The following PAX6 variants were observed in gnomAD, a reference collection of about 807,000 sequenced individuals.
PAX6 encodes the protein paired box 6, also known as paired box protein Pax-6.
Under a neutral mutation model 60.7 loss-of-function variants are expected in PAX6, and 7 were observed. The observed-to-expected ratio is 0.12, with a 90% CI of 0.07 to 0.22. The LOEUF is 0.22. Ranked by LOEUF, PAX6 falls within the 10% of genes least tolerant of loss-of-function variation. PAX6 has a pLI of 1.00. For missense variants in PAX6, 355 were observed against 555.2 expected, an observed-to-expected ratio of 0.64 and a Z score of 3.62; for synonymous variants, 208 against 201.2, an observed-to-expected ratio of 1.03 and a Z score of -0.29.
chr11:31,810,529 A>C, intron 2 of PAX6: 1 of 223,322 alleles, frequency 4.5e-6, no homozygotes, highest in Non-Finnish European at 8.7e-6. Context: ...TCGCGCCTGG[A>C]GTCTCCCTTC....
Position 31,800,860 on chromosome 11 carries a change from C to T in PAX6, c.400-4G>A, listed in dbSNP as rs764330055. ...GAACTCTGTTTATTGATGACACCTGCAAATCAAACCAAAATCAAACCAAAT... is the reference window on the plus strand; with the variant it reads ...GAACTCTGTTTATTGATGACACCTGTAAATCAAACCAAAATCAAACCAAAT... On this transcript the variant is annotated splice_region_variant and splice_polypyrimidine_tract_variant and intron_variant, in intron 7 of 13. Transcript: ENST00000640368. 4 of 1,613,900 alleles carry T rather than the reference C, an allele frequency of 2.5e-6. No individual in the cohort carries two copies. The East Asian group carries it at 8.9e-5, about 36-fold the overall frequency.
intron 5 of PAX6, 40 bp from the exon 6 acceptor site, chr11:31,801,952 A>G: frequency 6.5e-7 from 1 of 1,531,792 alleles, no homozygotes. Context: ...ATGAGAACTT[A>G]CTGTAGAGAG....
At chr11:31,794,410 C>T (rs1027687846) in intron 9 of PAX6, 6 of 575,898 alleles carry the variant, frequency 1.0e-5, no homozygotes, top group East Asian at 3.0e-5. Context: ...AAGAAACACA[C>T]ACACACACAC....
upstream of PAX6, among the ~76,000 whole-genome samples, chr11:31,813,635 T>C (rs1957238659): frequency 6.7e-6 from 1 of 149,448 alleles, no homozygotes; most frequent in African/African-American, 2.5e-5. Flanking sequence ...GAGCGAGGAG[T>C]GAATGCCACT....
At chr11:31,814,045 G>C (rs1317912090), upstream of PAX6, 2 of 152,028 alleles carry the variant, frequency 1.3e-5, no homozygotes, top group Admixed American at 1.3e-4. Context: ...AGGCCCACTT[G>C]CTGCCCTCCA....
At chr11:31,806,258 G>A (rs915354417) in intron 4 of PAX6, 144 bp downstream of exon 4, 3 of 845,160 alleles carry the variant, frequency 3.5e-6, no homozygotes, top group Middle Eastern at 3.6e-4. Flanking sequence ...CGGGCGCGGA[G>A]CGGGGAGCAG....
intron 8 of PAX6, among the ~76,000 whole-genome samples, chr11:31,800,139 G>A (rs1249695119): frequency 6.6e-6 from 1 of 151,990 alleles, no homozygotes; most frequent in African/African-American, 2.4e-5. Context: ...GACCCAGAGG[G>A]GCGAACGGGG....
chr11:31,793,239 T>A, intron 12 of PAX6, 199 bp downstream of exon 12: 1 of 695,828 alleles, frequency 1.4e-6, no homozygotes, highest in Non-Finnish European at 2.6e-6. Flanking sequence ...TTATTACTCA[T>A]TTTTTTAGGG....
At chr11:31,811,359 A>G, upstream of PAX6, 1 of 398,276 alleles carries the variant, frequency 2.5e-6, no homozygotes, top group East Asian at 3.6e-5. Context: ...ATATTGCTTT[A>G]TGCAAAGCAG....
chr11:31,806,369 G>A (rs769489624), intron 4 of PAX6, 33 bp downstream of exon 4: 1 of 1,601,700 alleles, frequency 6.2e-7, no homozygotes, highest in Admixed American at 1.7e-5. Context: ...CGCACCCCGA[G>A]CCCGAAGTCC....
At chr11:31,806,668 C>G (rs922952859) in intron 3 of PAX6, 181 bp downstream of exon 3, 1 of 553,014 alleles carries the variant, frequency 1.8e-6, no homozygotes, top group Non-Finnish European at 3.2e-6. Context: ...AAACAAAGTA[C>G]TGGAATATCC....
Position 31,793,696 on chromosome 11 carries a change from A to C in PAX6, c.914T>G (p.Phe305Cys). The change falls in exon 11 of 14, where the codon TTC (phenylalanine) becomes TGC (cysteine). Residue 305 changes from phenylalanine to cysteine, a missense_variant. By Grantham distance (205) the Phe-to-Cys change is radical. Transcript: ENST00000640368. Reference protein sequence around the residue: ...TPSHIPISSSFSTSVYQPIPQ... With the variant: ...TPSHIPISSSCSTSVYQPIPQ... ...AATTGGTTGGTAGACACTGGTGCTG[A>C]AACTACTGCTGATAGGAATATGACT... 1 of 1,614,190 alleles carries C rather than the reference A, an allele frequency of 6.2e-7. No individual in the cohort carries two copies. Among genetic ancestry groups the C allele is most frequent in the South Asian group, 1.1e-5 (1 of 91,082 alleles).
intron 8 of PAX6, among the ~76,000 whole-genome samples, chr11:31,797,609 C>A (rs1952016973): frequency 6.6e-6 from 1 of 151,646 alleles, no homozygotes; most frequent in Non-Finnish European, 1.5e-5. Context: ...GCGGGGAGAG[C>A]GGCACGGAGA....
chr11:31,809,676 A>G (rs1956636167), intron 2 of PAX6: 2 of 152,242 alleles, frequency 1.3e-5, no homozygotes, highest in Non-Finnish European at 2.9e-5. Flanking sequence ...GGATCTTAGA[A>G]TCGAAAGCTC....
chr11:31,815,683 T>C (rs187897661), upstream of PAX6, among the ~76,000 whole-genome samples: 11 of 150,008 alleles, frequency 7.3e-5, no homozygotes, highest in Admixed American at 6.6e-4. Context: ...ACTAAGGGGC[T>C]CAATGCGAGT....
chr11:31,814,218 G>A (rs1039545042), upstream of PAX6: 3 of 152,388 alleles, frequency 2.0e-5, no homozygotes, highest in Non-Finnish European at 4.4e-5. Context: ...CGTCCCACCC[G>A]GTAGCGGGGC....
At chr11:31,792,598 G>T (rs1264796522) in intron 12 of PAX6, 1 of 152,900 alleles carries the variant, frequency 6.5e-6, no homozygotes, top group Non-Finnish European at 1.5e-5. Flanking sequence ...ACTGGGAAAG[G>T]CCTACCAGAA....
chr11:31,806,528 G>T (rs547260954), intron 3 of PAX6, 66 bp from the exon 4 acceptor site: 1 of 1,242,244 alleles, frequency 8.0e-7, no homozygotes, highest in Non-Finnish European at 1.2e-6. Context: ...ACTCCCAACC[G>T]AGGTGGACCT....
intron 8 of PAX6, 94 bp from the exon 9 acceptor site, chr11:31,794,882 T>C (rs1951043054): frequency 8.6e-7 from 1 of 1,168,192 alleles, no homozygotes. Flanking sequence ...AAGAGCATTA[T>C]ATCCCGACAG....
Sources: gnomAD v4.1 joint callset for allele counts (sites outside exome capture counted in the v4.1 genomes callset) on GRCh38, gnomAD v4.1.1 for gene constraint, MANE v1.5 for transcripts, NCBI Gene and HGNC (gene_info 2026-07-23, HGNC 2026-07-21) for gene names.